BRINP1: variants seen among roughly 807,000 people sequenced by gnomAD.
The protein encoded by BRINP1 is BMP/retinoic acid inducible neural specific 1, also known as BMP/retinoic acid-inducible neural-specific protein 1.
BRINP1 carries 17 observed loss-of-function variants against 72.9 expected under a neutral mutation model. The observed-to-expected ratio is 0.23, with a 90% CI of 0.16 to 0.35. BRINP1 has a LOEUF of 0.35. BRINP1 is among the 10% of genes least tolerant of loss of function. The pLI is 1.00. For synonymous variants in BRINP1, 418 were observed against 378.5 expected, an observed-to-expected ratio of 1.10 and a Z score of -1.21; for missense variants, 850 against 1,001.6, an observed-to-expected ratio of 0.85 and a Z score of 2.04.
chr9:119,272,199 C>G (rs1460637366), intron 2 of BRINP1, among the ~76,000 whole-genome samples: 2 of 151,154 alleles, frequency 1.3e-5, no homozygotes, highest in Middle Eastern at 3.4e-3. Flanking sequence ...GTGCCTCAGC[C>G]TCCTGAGAGC....
At chr9:119,268,235 T>G (rs1161231521) in intron 2 of BRINP1, among the ~76,000 whole-genome samples, 1 of 118,752 alleles carries the variant, frequency 8.4e-6, no homozygotes, top group African/African-American at 2.8e-5. Flanking sequence ...AGAGTGAGAC[T>G]CTGTCTCAAT....
chr9:119,278,445 C>G (rs1830676969), intron 2 of BRINP1, among the ~76,000 whole-genome samples: 1 of 152,176 alleles, frequency 6.6e-6, no homozygotes, highest in Non-Finnish European at 1.5e-5. Context: ...ATTAGAGAAC[C>G]ATTTTCATGT....
Position 119,167,382 on chromosome 9 carries a change from C to T in BRINP1, c.1988G>A (p.Arg663Lys). The T allele has an allele frequency of 3.1e-6, 5 of 1,614,110 alleles. No homozygotes were observed. The highest frequency in any genetic ancestry group is 4.2e-6 in the Non-Finnish European group (5 of 1,180,022). The change falls in exon 8 of 8, where the codon AGG becomes AAG. Residue 663 changes from arginine to lysine, a missense_variant. By Grantham distance (26) the Arg-to-Lys change is conservative. Coordinates refer to ENST00000265922, the MANE Select transcript of BRINP1 (RefSeq NM_014618.3). The surrounding 1 kb of genome is among the most constrained non-coding windows in gnomAD (Gnocchi z 4.3). ...ACTGCGCAGGAGGTCGGCGTTGAAC[C>T]TCAGGCTATACCCAAACACCTGCAC... ...SDVQVFGYSLRFNADLLRSAV... is the reference protein window; with the variant it reads ...SDVQVFGYSLKFNADLLRSAV...
intron 1 of BRINP1, among the ~76,000 whole-genome samples, chr9:119,367,199 G>T (rs1418856603): frequency 2.7e-5 from 2 of 73,708 alleles, no homozygotes; most frequent in African/African-American, 4.2e-5. Flanking sequence ...ACACATGTGT[G>T]TGTGTGTGTG....
intron 1 of BRINP1, among the ~76,000 whole-genome samples, chr9:119,325,126 G>GAGAGAGAA (rs760660843): frequency 7.2e-5 from 11 of 151,808 alleles, no homozygotes; most frequent in East Asian, 3.9e-4. Flanking sequence ...GAAAGAGAGA[G>GAGAGAGAA]AGAGAGAAAG....
At position 119,369,356 on chromosome 9, in the gene BRINP1, C is replaced by A; in HGVS notation, c.-351G>T. On this transcript the variant is annotated 5_prime_UTR_variant, in exon 1 of 8. Transcript: ENST00000265922. ...TCGCTCTCTCCCTCTCTCGCGGGTTCGCTCGCCTGCGCTCTCCTCCTCCCC... is the reference window on the plus strand; with the variant it reads ...TCGCTCTCTCCCTCTCTCGCGGGTTAGCTCGCCTGCGCTCTCCTCCTCCCC... The A allele has an allele frequency of 2.5e-6, 1 of 398,078 alleles. No individual in the cohort carries two copies. Among genetic ancestry groups the A allele is most frequent in the South Asian group, 1.3e-4 (1 of 7,724 alleles). 24.7% of individuals were successfully genotyped at this position (398,078 alleles called of 1,614,324 possible).
At chr9:119,185,429 A>C (rs1347315330) in intron 7 of BRINP1, among the ~76,000 whole-genome samples, 1 of 152,238 alleles carries the variant, frequency 6.6e-6, no homozygotes. Context: ...ATATTTCCTC[A>C]CAACATCTCT....
intron 5 of BRINP1, among the ~76,000 whole-genome samples, chr9:119,222,771 T>C (rs889967239): frequency 1.3e-5 from 2 of 151,876 alleles, no homozygotes; most frequent in African/African-American, 4.8e-5. Context: ...GAATTTTAAC[T>C]TCAAAAAAAG....
In BRINP1 at chr9:119,341,762, GTAT is replaced by G. The variant is rs144816875; in HGVS notation, c.-51+27291_-51+27293del. Among the ~76,000 whole-genome samples the G allele has an allele frequency of 6.8e-4, 104 of 151,946 alleles. No individual in the cohort carries two copies. In the East Asian group the frequency reaches 0.015, roughly 22 times the overall value. On this transcript the variant is annotated intron_variant, in intron 1 of 7. Coordinates refer to ENST00000265922, the MANE Select transcript of BRINP1 (RefSeq NM_014618.3). ...CGCCATTATAAGTCCAAGAGCATCT[GTAT>G]TATTATTATTATTATTGAGACGGAG...
At chr9:119,205,826 G>A (rs936608756) in intron 7 of BRINP1, among the ~76,000 whole-genome samples, 13 of 151,738 alleles carry the variant, frequency 8.6e-5, no homozygotes, top group Non-Finnish European at 1.8e-4. Context: ...AACTGAAAGA[G>A]GTTATTTGTT....
chr9:119,288,474 C>T (rs1468635593), intron 2 of BRINP1, among the ~76,000 whole-genome samples: 1 of 152,064 alleles, frequency 6.6e-6, no homozygotes, highest in Non-Finnish European at 1.5e-5. Flanking sequence ...CAACAGACTC[C>T]TTGTGGTAAT....
At chr9:119,242,016 C>A (rs1316798148) in intron 4 of BRINP1, 31 bp downstream of exon 4, 2 of 1,605,132 alleles carry the variant, frequency 1.2e-6, no homozygotes, top group African/African-American at 2.7e-5. Flanking sequence ...GTATTGAGAA[C>A]CTGTCGCCCA....
At chr9:119,236,860 C>T (rs776208312) in intron 5 of BRINP1, among the ~76,000 whole-genome samples, 3 of 152,110 alleles carry the variant, frequency 2.0e-5, no homozygotes, top group Non-Finnish European at 4.4e-5. Flanking sequence ...GGCAGGGTTA[C>T]GCTCCATGTA....
At chr9:119,319,841 A>G (rs1831166126) in intron 1 of BRINP1, among the ~76,000 whole-genome samples, 1 of 152,156 alleles carries the variant, frequency 6.6e-6, no homozygotes, top group Non-Finnish European at 1.5e-5. Context: ...CAGTCTGTAC[A>G]ATTTCCAGCA....
chr9:119,348,260 T>C (rs1831468759), intron 1 of BRINP1, among the ~76,000 whole-genome samples: 1 of 152,242 alleles, frequency 6.6e-6, no homozygotes, highest in Non-Finnish European at 1.5e-5. Context: ...CAATATGCAT[T>C]TAAGTTTCCT....
chr9:119,192,052 C>A (rs955692788), intron 7 of BRINP1, among the ~76,000 whole-genome samples: 3 of 151,934 alleles, frequency 2.0e-5, no homozygotes, highest in Non-Finnish European at 4.4e-5. Flanking sequence ...TTTCCCCATG[C>A]AGACTAATGA....
intron 1 of BRINP1, among the ~76,000 whole-genome samples, chr9:119,345,753 A>G (rs1360061090): frequency 6.6e-6 from 1 of 152,156 alleles, no homozygotes; most frequent in East Asian, 1.9e-4. Flanking sequence ...TGGACTCCCT[A>G]CTACACCATT....
intron 7 of BRINP1, among the ~76,000 whole-genome samples, chr9:119,204,089 A>C (rs1829829267): frequency 6.6e-6 from 1 of 152,142 alleles, no homozygotes; most frequent in Non-Finnish European, 1.5e-5. Flanking sequence ...CCCCGTGGAG[A>C]GGTCCTGTGT....
intron 1 of BRINP1, among the ~76,000 whole-genome samples, chr9:119,341,818 C>T (rs1036872470): frequency 2.6e-5 from 4 of 152,188 alleles, no homozygotes; most frequent in Middle Eastern, 3.4e-3. Context: ...TGTTGGAGTG[C>T]AGTGGCGTGA....
Sources: gnomAD v4.1 joint callset for allele counts (sites outside exome capture counted in the v4.1 genomes callset) on GRCh38, gnomAD v4.1.1 for gene constraint, Gnocchi (gnomAD v3.1) non-coding constraint, MANE v1.5 for transcripts, NCBI Gene and HGNC (gene_info 2026-07-23, HGNC 2026-07-21) for gene names.